The following MYH1 variants were observed in gnomAD, a reference collection of about 807,000 sequenced individuals.
MYH1 encodes myosin heavy chain 1, also known as myosin-1.
Under a neutral mutation model 225.6 loss-of-function variants are expected in MYH1, and 214 were observed. The observed-to-expected ratio is 0.95, with a 90% CI of 0.85 to 1.06. MYH1 has a LOEUF of 1.06. Ranked by LOEUF, MYH1 falls within the 50% of genes least tolerant of loss-of-function variation. The pLI, the probability that MYH1 is intolerant of heterozygous loss-of-function variation, is 0.00. For synonymous variants in MYH1, 774 were observed against 842.3 expected, an observed-to-expected ratio of 0.92 and a Z score of 1.40; for missense variants, 2,098 against 2,344.2, an observed-to-expected ratio of 0.89 and a Z score of 2.17.
chr17:10,513,105 A>T (rs1354045926), intron 9 of MYH1, 140 bp from the exon 10 acceptor site: 2 of 641,976 alleles, frequency 3.1e-6, no homozygotes, highest in African/African-American at 1.8e-5. Flanking sequence ...ACCACATATT[A>T]TGTCTCTACA....
At position 10,497,164 on chromosome 17, in the gene MYH1, C is replaced by T; in HGVS notation, c.4561G>A (p.Ala1521Thr). 1 of 1,614,008 alleles carries T rather than the reference C, an allele frequency of 6.2e-7. No individual in the cohort carries two copies. The change falls in exon 33 of 40, where the codon GCA (alanine) becomes ACA (threonine). Residue 1521 changes from alanine to threonine, a missense_variant. By Grantham distance (58) the Ala-to-Thr change is moderately conservative (BLOSUM62 0). Transcript: ENST00000226207. ...TCATGGATGCGCTTTCCTCCTTCTG[C>T]AATCTGTTCAGTGAGATCAGAAATC... Reference protein sequence around the residue: ...QEISDLTEQIAEGGKRIHELE... With the variant: ...QEISDLTEQITEGGKRIHELE...
In MYH1 at chr17:10,501,749, G is replaced by T. The variant is rs1235885032; in HGVS notation, c.3257+17C>A. ...AGAGTAATTTCCCCACAAAACTGTT[G>T]ACCTAAAACTGCTTACTTTTTAAGC... On this transcript the variant is annotated intron_variant, in intron 25 of 39. Coordinates refer to ENST00000226207, the MANE Select transcript of MYH1 (RefSeq NM_005963.4). 6.2e-7 allele frequency: 1 copy of T among 1,613,720 alleles called. No individual in the cohort carries two copies. Among genetic ancestry groups the T allele is most frequent in the East Asian group, 2.2e-5 (1 of 44,878 alleles).
chr17:10,517,048 T>C (rs2073236550), intron 2 of MYH1, among the ~76,000 whole-genome samples: 1 of 152,244 alleles, frequency 6.6e-6, no homozygotes, highest in Non-Finnish European at 1.5e-5. Flanking sequence ...TTATAGTTTT[T>C]ATCTTCCCAA....
chr17:10,494,617 G>A lies in MYH1; in HGVS notation c.5523C>T (p.Val1841=). Residue 1841 remains valine (V), a synonymous_variant, in exon 38 of 40, where the codon GTC becomes GTT. Transcript: ENST00000226207. ...TTCTCTCATGTTTGCGTAGACCCTT[G>A]ACAGCTTCAACATTGCGCTTCTGTT... ...ESEQKRNVEA[V]KGLRKHERKV... is the part of the protein sequence containing the mutation. 6.2e-7 allele frequency: 1 copy of A among 1,613,984 alleles called. No homozygotes were observed. Among genetic ancestry groups the A allele is most frequent in the Non-Finnish European group, 8.5e-7 (1 of 1,180,010 alleles).
rs1171850317 is a variant in MYH1, at chr17:10,501,433, G to A, written c.3415C>T (p.Gln1139Ter). 3.1e-6 allele frequency: 5 copies of A among 1,614,222 alleles called. No individual in the cohort carries two copies. Among genetic ancestry groups the A allele is most frequent in the Non-Finnish European group, 4.2e-6 (5 of 1,180,034 alleles). Residue 1139 changes from glutamine (Q) to a stop codon, truncating the protein, a stop_gained, in exon 27 of 40, where the codon CAG (glutamine) becomes TAG (stop). Coordinates refer to ENST00000226207, the MANE Select transcript of MYH1 (RefSeq NM_005963.4). LOFTEE classifies it high-confidence loss of function. ...ERASRAKAEK[Q>*]RSDLSRELEE... ...AGCTCCCGGGAGAGATCAGAGCGCT[G>A]CTTCTCTGCTTTGGCCCGGGAGGCC...
chr17:10,508,028 G>GT lies in MYH1; in HGVS notation c.1898-73dup, dbSNP rs1332787044. 993 of 1,221,406 alleles carry GT rather than the reference G, an allele frequency of 8.1e-4. 1 individual carries two copies. Among genetic ancestry groups the GT allele is most frequent in the African/African-American group, 2.1e-3 (117 of 56,516 alleles). The allele number at this position is 1,221,406 out of a possible 1,614,324, so 75.7% of individuals were successfully genotyped here. A position where few individuals can be genotyped will look rare whatever the true frequency, so the allele number is the denominator to read the frequency against. The stretch of plus-strand genomic sequence containing the variant: ...TGGTTTTTTTTTTTTGTTTTTTTTT[G>GT]TTTTTTTTGACGAAGTTTCACTCTT... On this transcript the variant is annotated intron_variant, in intron 16 of 39. Transcript: ENST00000226207.
rs893074814 is a variant in MYH1, at chr17:10,494,503, G to A, written c.5572-54C>T. On this transcript the variant is annotated intron_variant, in intron 38 of 39. Transcript: ENST00000226207. Reference sequence around the variant, plus strand: ...CTTGAAAGTACAAATATTACATTTTGTCATACATATGACTTTTAATCCCAT... The same window carrying A: ...CTTGAAAGTACAAATATTACATTTTATCATACATATGACTTTTAATCCCAT... 1.5e-5 allele frequency: 24 copies of A among 1,610,540 alleles called. No individual in the cohort carries two copies. The African/African-American group carries it at 3.1e-4, about 21-fold the overall frequency.
rs2073092762 is a variant in MYH1, at chr17:10,504,842, C to A, written c.2659G>T (p.Glu887Ter). Residue 887 changes from glutamate to a stop codon, truncating the protein, a stop_gained, in exon 22 of 40, where the codon GAA (glutamate) becomes TAA (stop). Coordinates refer to ENST00000226207, the MANE Select transcript of MYH1 (RefSeq NM_005963.4). LOFTEE classifies it high-confidence loss of function. ...ACCTGGAGTTGCAAGTCATTTTTTT[C>A]TTGCATCAGAGTAACCATTTTTTCT... ...LEEKMVTLMQ[E>*]KNDLQLQVQA... The A allele has an allele frequency of 6.2e-7, 1 of 1,613,776 alleles. No homozygotes were observed. The highest frequency in any genetic ancestry group is 2.2e-5 in the East Asian group (1 of 44,892).
rs761562536 is a variant in MYH1 at position 10,494,632 on chromosome 17, G to A, written c.5508C>T (p.Arg1836=). 1.2e-6 allele frequency: 2 copies of A among 1,614,016 alleles called. No individual in the cohort carries two copies. The highest frequency in any genetic ancestry group is 1.7e-5 in the Admixed American group (1 of 60,016). The change falls in exon 38 of 40, where the codon CGC becomes CGT. Residue 1836 remains arginine (R), a synonymous_variant. Coordinates refer to ENST00000226207, the MANE Select transcript of MYH1 (RefSeq NM_005963.4). Reference sequence around the variant, plus strand: ...GTAGACCCTTGACAGCTTCAACATTGCGCTTCTGTTCACTTTCAACTTCAC... The same window carrying A: ...GTAGACCCTTGACAGCTTCAACATTACGCTTCTGTTCACTTTCAACTTCAC... ...LEGEVESEQK[R]NVEAVKGLRK...
At chr17:10,510,194 T>C (rs1050446799) in intron 14 of MYH1, among the ~76,000 whole-genome samples, 12 of 152,212 alleles carry the variant, frequency 7.9e-5, no homozygotes, top group African/African-American at 2.9e-4. Context: ...TTTGTTTTTG[T>C]TAGTCAGAGG....
Position 10,492,854 on chromosome 17 carries a change from T to TTTTG in MYH1, c.5668-290_5668-287dup, listed in dbSNP as rs1555565571. 3.4e-4 allele frequency among the ~76,000 whole-genome samples: 51 copies of TTTTG among 151,996 alleles called. 1 individual carries two copies. In the South Asian group the frequency reaches 7.5e-3, roughly 22 times the overall value. On this transcript the variant is annotated intron_variant, in intron 39 of 39. Transcript: ENST00000226207. ...GCCAGGTGTCCAGCTTTGTTTTTTT[T>TTTTG]TTTGTTTGTTTGTTTGTTTTTTTCA... is the stretch of plus-strand genomic sequence containing the variant.
At chr17:10,505,350 G>T (rs897405799) in intron 20 of MYH1, 38 bp downstream of exon 20, 1 of 1,614,060 alleles carries the variant, frequency 6.2e-7, no homozygotes, top group Non-Finnish European at 8.5e-7. Flanking sequence ...AGTTCAAAGG[G>T]ACAGGAATAG....
chr17:10,501,614 T>C lies in MYH1; in HGVS notation c.3328A>G (p.Lys1110Glu). The C allele has an allele frequency of 6.2e-7, 1 of 1,614,258 alleles. No homozygotes were observed. Among genetic ancestry groups the C allele is most frequent in the Non-Finnish European group, 8.5e-7 (1 of 1,180,044 alleles). The change falls in exon 26 of 40, where the codon AAG becomes GAG. Residue 1110 changes from lysine to glutamate, a missense_variant. Lys to Glu is a moderately conservative substitution (Grantham distance 56, BLOSUM62 1). Coordinates refer to ENST00000226207, the MANE Select transcript of MYH1 (RefSeq NM_005963.4). ...CGTACTTGTAACTCCTTGATTTTCT[T>C]CTGCAGCTGCATACCAAGGGCTTGT... ...DEQALGMQLQ[K>E]KIKELQARIE...
intron 14 of MYH1, among the ~76,000 whole-genome samples, chr17:10,510,892 A>G (rs1337744009): frequency 3.3e-5 from 5 of 151,934 alleles, no homozygotes; most frequent in Non-Finnish European, 5.9e-5. Flanking sequence ...TGAATTTTAT[A>G]CTTTAAATAG....
chr17:10,492,666 A>G, intron 39 of MYH1, 98 bp from the exon 40 acceptor site: 2 of 1,294,860 alleles, frequency 1.5e-6, no homozygotes, highest in South Asian at 1.6e-5. Context: ...AAAATGATTC[A>G]CTCTAGCAGA....
At position 10,492,382 on chromosome 17, in the gene MYH1, C is replaced by G; in HGVS notation, c.*34G>C. 1 of 1,605,540 alleles carries G rather than the reference C, an allele frequency of 6.2e-7. No homozygotes were observed. Among genetic ancestry groups the G allele is most frequent in the African/African-American group, 1.3e-5 (1 of 74,568 alleles). On this transcript the variant is annotated 3_prime_UTR_variant, in exon 40 of 40. Transcript: ENST00000226207. ...GTGACAAAGATTTTCACATTTTGTG[C>G]ATTTCTTTGGTCACCTTTCAGCAGT...
At chr17:10,514,182 C>T (rs1016845953) in intron 6 of MYH1, 58 bp from the exon 7 acceptor site, 1 of 1,578,798 alleles carries the variant, frequency 6.3e-7, no homozygotes, top group South Asian at 1.1e-5. Flanking sequence ...ACTACAACTA[C>T]CTCATGGCTT....
intron 28 of MYH1, among the ~76,000 whole-genome samples, chr17:10,500,115 T>A (rs1051155921): frequency 4.6e-5 from 7 of 152,212 alleles, no homozygotes; most frequent in Non-Finnish European, 1.0e-4. Context: ...GGAAAAAGAC[T>A]GGAGTAAACA....
At chr17:10,513,539 G>A in intron 9 of MYH1, 87 bp downstream of exon 9, 4 of 1,298,204 alleles carry the variant, frequency 3.1e-6, no homozygotes, top group Non-Finnish European at 4.5e-6. Flanking sequence ...TGCTTTACAA[G>A]CTCCATGTTC....
Sources: allele counts gnomAD v4.1 joint callset (sites outside exome capture counted in the v4.1 genomes callset), GRCh38; gene constraint gnomAD v4.1.1; transcripts MANE v1.5; gene names NCBI Gene and HGNC (gene_info 2026-07-23, HGNC 2026-07-21).